Variants in VASP observed in about 807,000 individuals in gnomAD.
The protein encoded by VASP is vasodilator-stimulated phosphoprotein.
A neutral mutation model predicts 54.4 loss-of-function variants in VASP; 27 were observed. The ratio of observed to expected loss-of-function variants is 0.50; its 90% confidence interval spans 0.37 to 0.68. The LOEUF (loss-of-function observed/expected upper bound fraction) is 0.68. Among genes scored for constraint, VASP ranks in the 30% least tolerant of loss-of-function variants. VASP has a pLI of 0.00. For missense variants in VASP, 488 were observed against 528.3 expected, an observed-to-expected ratio of 0.92 and a Z score of 0.75; for synonymous variants, 233 against 209.8, an observed-to-expected ratio of 1.11 and a Z score of -0.96.
At chr19:45,518,910 C>T (rs1968765539) in intron 3 of VASP, among the ~76,000 whole-genome samples, 1 of 152,250 alleles carries the variant, frequency 6.6e-6, no homozygotes, top group Non-Finnish European at 1.5e-5. Flanking sequence ...CAGCTCACTG[C>T]AACCTCCACC....
At position 45,522,074 on chromosome 19, in the gene VASP, G is replaced by C. The variant is rs1599938622; in HGVS notation, c.429-94G>C. The C allele has an allele frequency of 3.2e-6, 5 of 1,560,860 alleles. No homozygotes were observed. In the East Asian group the frequency reaches 9.0e-5, roughly 28 times the overall value. On this transcript the variant is annotated intron_variant, in intron 4 of 12. Coordinates refer to ENST00000245932, the MANE Select transcript of VASP (RefSeq NM_003370.4). ...TGAGTATTAGGAGCCAGCCACCCTG[G>C]AGACCTCTGAGAGAGAGGACGGAGG...
At chr19:45,520,432 G>C (rs1257975716) in intron 3 of VASP, among the ~76,000 whole-genome samples, 1 of 152,218 alleles carries the variant, frequency 6.6e-6, no homozygotes, top group Non-Finnish European at 1.5e-5. Context: ...CAAATGCAGG[G>C]GTGTTTGCTT....
chr19:45,517,449 CTG>C (rs1471949977), intron 1 of VASP, among the ~76,000 whole-genome samples: 1 of 151,838 alleles, frequency 6.6e-6, no homozygotes, highest in Non-Finnish European at 1.5e-5. Flanking sequence ...CTCTCTGCGT[CTG>C]TCTCTTGCAT....
chr19:45,519,659 G>A (rs777231889), intron 3 of VASP, among the ~76,000 whole-genome samples: 5 of 146,756 alleles, frequency 3.4e-5, no homozygotes, highest in Non-Finnish European at 6.0e-5. Flanking sequence ...GCAGTGGCGC[G>A]ATCTCCGCTC....
At position 45,521,762 on chromosome 19, in the gene VASP, C is replaced by T. The variant is rs185444457; in HGVS notation, c.428+356C>T. Reference sequence around the variant, plus strand: ...AAAATTAGCCGGTCATGGTGGCGCCCGTGCCTGTAATCCCAGCTCGGCAGG... The same window carrying T: ...AAAATTAGCCGGTCATGGTGGCGCCTGTGCCTGTAATCCCAGCTCGGCAGG... On this transcript the variant is annotated intron_variant, in intron 4 of 12. Transcript: ENST00000245932. Among the ~76,000 whole-genome samples, 46 of 152,034 alleles carry T rather than the reference C, an allele frequency of 3.0e-4. 1 individual carries two copies. The South Asian group carries it at 3.3e-3, about 11-fold the overall frequency.
chr19:45,519,530 T>C, intron 3 of VASP, among the ~76,000 whole-genome samples: 1 of 150,424 alleles, frequency 6.6e-6, no homozygotes, highest in Non-Finnish European at 1.5e-5. Context: ...GCTCAAGTGA[T>C]CCTCCCACTT....
intron 1 of VASP, among the ~76,000 whole-genome samples, chr19:45,515,559 C>T (rs918511423): frequency 3.3e-5 from 5 of 151,982 alleles, no homozygotes; most frequent in African/African-American, 1.2e-4. Flanking sequence ...TTTTTTGAAA[C>T]AGAGTTTCAC....
chr19:45,526,509 A>T lies in VASP; in HGVS notation c.*332A>T, dbSNP rs752762648. ...GGAATTTCACATTCCCTTGTTCTAG[A>T]TTCACTTTAACGCTTAATGCCTTCA... is the stretch of plus-strand genomic sequence containing the variant. On this transcript the variant is annotated 3_prime_UTR_variant, in exon 13 of 13. Coordinates refer to ENST00000245932, the MANE Select transcript of VASP (RefSeq NM_003370.4). 1.2e-5 allele frequency: 3 copies of T among 246,894 alleles called. No homozygotes were observed. The highest frequency in any genetic ancestry group is 2.2e-5 in the African/African-American group (1 of 44,634). The allele number at this position is 246,894 out of a possible 1,614,324, so 15.3% of individuals were successfully genotyped here.
At chr19:45,524,968 G>A (rs549313682) in intron 11 of VASP, 3 of 305,114 alleles carry the variant, frequency 9.8e-6, no homozygotes, top group East Asian at 7.6e-5. Flanking sequence ...GCCAACCTTG[G>A]TACTGGATGT....
At position 45,526,500 on chromosome 19, in the gene VASP, T is replaced by C. The variant is rs1164489317; in HGVS notation, c.*323T>C. The C allele has an allele frequency of 3.8e-6, 1 of 264,726 alleles. No homozygotes were observed. Among genetic ancestry groups the C allele is most frequent in the African/African-American group, 2.2e-5 (1 of 45,250 alleles). The allele number at this position is 264,726 out of a possible 1,614,324, so 16.4% of individuals were successfully genotyped here. On this transcript the variant is annotated 3_prime_UTR_variant, in exon 13 of 13. Transcript: ENST00000245932. ...AGGAAGGAGGGAATTTCACATTCCC[T>C]TGTTCTAGATTCACTTTAACGCTTA... is the stretch of plus-strand genomic sequence containing the variant.
At chr19:45,517,028 C>G (rs905438080) in intron 1 of VASP, among the ~76,000 whole-genome samples, 11 of 142,424 alleles carry the variant, frequency 7.7e-5, no homozygotes, top group Non-Finnish European at 1.7e-4. Context: ...TGTGGTGGTG[C>G]ATGCTTGTAG....
intron 1 of VASP, among the ~76,000 whole-genome samples, chr19:45,511,150 A>T (rs1339638484): frequency 6.6e-6 from 1 of 151,952 alleles, no homozygotes; most frequent in Non-Finnish European, 1.5e-5. Flanking sequence ...ACAAAAGAAG[A>T]TTTGTCGTTT....
intron 7 of VASP, 26 bp from the exon 8 acceptor site, chr19:45,523,618 C>T (rs183100644): frequency 2.9e-5 from 46 of 1,613,360 alleles, no homozygotes; most frequent in Admixed American, 2.0e-4. Flanking sequence ...GACGGAAGCA[C>T]GTGTTTTTGC....
intron 7 of VASP, among the ~76,000 whole-genome samples, chr19:45,523,190 ATTTTTTTTTTTT>A (rs61288703): frequency 1.5e-4 from 11 of 74,730 alleles, no homozygotes; most frequent in East Asian, 4.6e-4. Context: ...AATCTCTTGA[ATTTTTTTTTTTT>A]TTTTTTTTTT....
intron 1 of VASP, among the ~76,000 whole-genome samples, chr19:45,515,038 T>C (rs1475208394): frequency 1.3e-5 from 2 of 152,170 alleles, no homozygotes; most frequent in Non-Finnish European, 2.9e-5. Flanking sequence ...GGGGAGGGGC[T>C]TAAGGCCCCT....
chr19:45,519,773 T>G (rs1968788550), intron 3 of VASP, among the ~76,000 whole-genome samples: 1 of 150,580 alleles, frequency 6.6e-6, no homozygotes, highest in African/African-American at 2.5e-5. Flanking sequence ...TTTTTTGTAT[T>G]TTTAGTAGAG....
chr19:45,520,320 G>A (rs142049712), intron 3 of VASP, among the ~76,000 whole-genome samples: 76 of 152,334 alleles, frequency 5.0e-4, no homozygotes, highest in Middle Eastern at 3.4e-3. Context: ...AAGTGCCCTG[G>A]TGATACCCAG....
chr19:45,525,560 C>T (rs1968942426), intron 11 of VASP, among the ~76,000 whole-genome samples: 4 of 152,044 alleles, frequency 2.6e-5, no homozygotes, highest in Admixed American at 2.6e-4. Flanking sequence ...TTAGCTGGGC[C>T]TTGTGGGGGG....
chr19:45,507,832 C>T lies in VASP; in HGVS notation c.5+56C>T. 8.8e-7 allele frequency: 1 copy of T among 1,136,642 alleles called. No individual in the cohort carries two copies. The highest frequency in any genetic ancestry group is 1.2e-6 in the Non-Finnish European group (1 of 860,212). The allele number at this position is 1,136,642 out of a possible 1,614,324, so 70.4% of individuals were successfully genotyped here. ...CGCCCGGGCGGGCTCCGCGCCCCGC[C>T]TTTGTCCCCCTCCCCCCCAGCTAGC... On this transcript the variant is annotated intron_variant, in intron 1 of 12. Transcript: ENST00000245932. The surrounding 1 kb of genome is among the most constrained non-coding windows in gnomAD (Gnocchi z 4.4).
Sources: gnomAD v4.1 joint callset for allele counts (sites outside exome capture counted in the v4.1 genomes callset) on GRCh38, gnomAD v4.1.1 for gene constraint, Gnocchi (gnomAD v3.1) non-coding constraint, MANE v1.5 for transcripts, NCBI Gene and HGNC (gene_info 2026-07-23, HGNC 2026-07-21) for gene names.